Variants in RHEB observed in about 807,000 individuals in gnomAD.
The protein encoded by RHEB is GTP-binding protein Rheb.
Under a neutral mutation model 28.8 loss-of-function variants are expected in RHEB, and 2 were observed. That is an observed-to-expected ratio of 0.07 (90% CI 0.03 to 0.22). The LOEUF (loss-of-function observed/expected upper bound fraction) is 0.22. RHEB is among the 10% of genes least tolerant of loss of function. The pLI is 1.00. For synonymous variants in RHEB, 69 were observed against 77.3 expected, an observed-to-expected ratio of 0.89 and a Z score of 0.56; for missense variants, 76 against 219.9, an observed-to-expected ratio of 0.35 and a Z score of 4.14.
At chr7:151,489,345 C>A (rs1480905049) in intron 2 of RHEB, among the ~76,000 whole-genome samples, 1 of 152,190 alleles carries the variant, frequency 6.6e-6, no homozygotes. Flanking sequence ...CATTAATCTG[C>A]TCCTCACACT....
intron 2 of RHEB, among the ~76,000 whole-genome samples, chr7:151,485,372 G>T (rs1802452229): frequency 6.6e-6 from 1 of 152,202 alleles, no homozygotes; most frequent in Non-Finnish European, 1.5e-5. Flanking sequence ...TCTTTTCCCT[G>T]ACAAGGGAGG....
At chr7:151,509,356 A>T (rs2150938013) in intron 1 of RHEB, among the ~76,000 whole-genome samples, 1 of 152,350 alleles carries the variant, frequency 6.6e-6, no homozygotes, top group East Asian at 1.9e-4. Context: ...GTGGCCAGAA[A>T]GCAAGGAAAG....
intron 7 of RHEB, 137 bp from the exon 8 acceptor site, chr7:151,467,348 C>T (rs1401036853): frequency 3.0e-6 from 2 of 660,672 alleles, no homozygotes; most frequent in Non-Finnish European, 5.5e-6. Context: ...AGCCCCAGAA[C>T]TTCAGGGCCC....
chr7:151,479,682 C>CAAAA (rs10690355), intron 3 of RHEB, among the ~76,000 whole-genome samples: 6 of 113,270 alleles, frequency 5.3e-5, no homozygotes, highest in African/African-American at 2.0e-4. Context: ...GACTCCGTCT[C>CAAAA]AAAAAAAAAA....
chr7:151,518,612 C>T (rs947848564), intron 1 of RHEB, among the ~76,000 whole-genome samples: 1 of 152,182 alleles, frequency 6.6e-6, no homozygotes, highest in African/African-American at 2.4e-5. Flanking sequence ...ACACCCCGTC[C>T]GCCCCCCAAC....
intron 1 of RHEB, among the ~76,000 whole-genome samples, chr7:151,497,704 G>A (rs1180786345): frequency 1.3e-5 from 2 of 152,204 alleles, no homozygotes; most frequent in Non-Finnish European, 2.9e-5. Context: ...AGCTGGGCAT[G>A]TAGCCCTGTC....
chr7:151,467,236 A>C, intron 7 of RHEB, 25 bp from the exon 8 acceptor site: 1 of 1,544,644 alleles, frequency 6.5e-7, no homozygotes, highest in Non-Finnish European at 9.0e-7. Context: ...AAACCCAATC[A>C]CAGTGTTAGT....
intron 1 of RHEB, chr7:151,501,944 A>G: frequency 1.4e-6 from 1 of 714,058 alleles, no homozygotes; most frequent in Non-Finnish European, 2.5e-6. Context: ...GCTCATTAAG[A>G]GCTTGGAGGC....
intron 1 of RHEB, among the ~76,000 whole-genome samples, chr7:151,509,177 A>G (rs1462426356): frequency 6.6e-6 from 1 of 152,150 alleles, no homozygotes; most frequent in Non-Finnish European, 1.5e-5. Context: ...CAGCAACCTC[A>G]TTTGTCTCTG....
chr7:151,498,284 A>T (rs1386285951), intron 1 of RHEB: 11 of 521,164 alleles, frequency 2.1e-5, no homozygotes, highest in Non-Finnish European at 3.8e-5. Flanking sequence ...CAATGAAAGA[A>T]ATCAAACATC....
intron 3 of RHEB, 107 bp from the exon 4 acceptor site, chr7:151,477,522 G>A (rs1802292959): frequency 1.5e-6 from 1 of 666,190 alleles, no homozygotes; most frequent in Non-Finnish European, 2.6e-6. Context: ...TAGACGCAGA[G>A]TGGATTACAA....
At chr7:151,482,910 A>G (rs1260498719) in intron 3 of RHEB, among the ~76,000 whole-genome samples, 2 of 152,028 alleles carry the variant, frequency 1.3e-5, no homozygotes, top group African/African-American at 4.8e-5. Context: ...CATGCCCCCG[A>G]CCCCCTAACA....
chr7:151,490,856 T>C (rs1802568276), intron 2 of RHEB, 87 bp downstream of exon 2: 4 of 978,414 alleles, frequency 4.1e-6, no homozygotes, highest in Middle Eastern at 2.1e-4. Flanking sequence ...ATTTACCTCC[T>C]GCACTCAAAG....
chr7:151,496,606 G>A (rs1007825840), intron 1 of RHEB, among the ~76,000 whole-genome samples: 3 of 152,046 alleles, frequency 2.0e-5, no homozygotes, highest in Admixed American at 6.6e-5. Context: ...GGCTACAGAC[G>A]AAAAGGTTAG....
rs910217052 is a variant in RHEB, at chr7:151,503,378, T to C, written c.53-12364A>G. 28 of 987,752 alleles carry C rather than the reference T, an allele frequency of 2.8e-5. No homozygotes were observed. The Admixed American group carries it at 3.4e-4, about 12-fold the overall frequency. The allele number at this position is 987,752 out of a possible 1,614,324, so 61.2% of individuals were successfully genotyped here. A position where few individuals can be genotyped will look rare whatever the true frequency, so the allele number is the denominator to read the frequency against. On this transcript the variant is annotated intron_variant, in intron 1 of 7. Coordinates refer to ENST00000262187, the MANE Select transcript of RHEB (RefSeq NM_005614.4). Reference sequence around the variant, plus strand: ...CGGTTTGTGAAAGGATTTGGTGGAATTGGAGGTATCCTGCAGTACCGAGTA... The same window carrying C: ...CGGTTTGTGAAAGGATTTGGTGGAACTGGAGGTATCCTGCAGTACCGAGTA...
At chr7:151,485,304 C>T (rs1215437931) in intron 2 of RHEB, among the ~76,000 whole-genome samples, 3 of 152,204 alleles carry the variant, frequency 2.0e-5, no homozygotes, top group Admixed American at 2.0e-4. Flanking sequence ...AACAGATGTT[C>T]TGTGTTGAAG....
At chr7:151,470,305 G>T in intron 7 of RHEB, 1 of 243,358 alleles carries the variant, frequency 4.1e-6, no homozygotes, top group Non-Finnish European at 7.9e-6. Context: ...AAAAATATAT[G>T]TTTACAAAAG....
At chr7:151,493,114 G>A (rs1802614104) in intron 1 of RHEB, among the ~76,000 whole-genome samples, 1 of 151,926 alleles carries the variant, frequency 6.6e-6, no homozygotes, top group African/African-American at 2.4e-5. Flanking sequence ...GTGCTGGGAT[G>A]ACAGGCGTGA....
rs532923868 is a variant in RHEB, at chr7:151,519,479, G to A, written c.33C>T (p.Ile11=). 3 of 1,552,036 alleles carry A rather than the reference G, an allele frequency of 1.9e-6. No individual in the cohort carries two copies. The highest frequency in any genetic ancestry group is 1.4e-5 in the African/African-American group (1 of 70,974). ...ACTCACCCACAGACCGGTAGCCCAG[G>A]ATCGCGATCTTCCGGGACTTGGACT... MPQSKSRKIA[I]LGYRSVGKSS... The change falls in exon 1 of 8, where the codon ATC becomes ATT. Residue 11 remains isoleucine (I), a synonymous_variant. Coordinates refer to ENST00000262187, the MANE Select transcript of RHEB (RefSeq NM_005614.4).
Sources: allele counts gnomAD v4.1 joint callset (sites outside exome capture counted in the v4.1 genomes callset), GRCh38; gene constraint gnomAD v4.1.1; transcripts MANE v1.5; gene names NCBI Gene and HGNC (gene_info 2026-07-23, HGNC 2026-07-21).